The following GTPBP3 variants were observed in gnomAD, a reference collection of about 807,000 sequenced individuals.
GTPBP3 encodes the protein GTP binding protein 3, mitochondrial.
In GTPBP3, 35 loss-of-function variants were observed where a neutral mutation model predicts 42.0. That is an observed-to-expected ratio of 0.83 (90% confidence interval 0.64 to 1.10). The LOEUF (loss-of-function observed/expected upper bound fraction) is 1.10. Ranked by LOEUF, GTPBP3 falls within the 50% of genes least tolerant of loss-of-function variation. The probability of loss-of-function intolerance (pLI) is 0.00; values close to 1 mark genes in which losing one functional copy is unlikely to be tolerated. For synonymous variants in GTPBP3, 332 were observed against 314.9 expected, an observed-to-expected ratio of 1.05 and a Z score of -0.58; for missense variants, 691 against 685.2, an observed-to-expected ratio of 1.01 and a Z score of -0.09.
rs1379290335 is a variant in GTPBP3, at chr19:17,337,661, G to A, written c.50G>A (p.Arg17His). 7 of 1,331,042 alleles carry A rather than the reference G, an allele frequency of 5.3e-6. No homozygotes were observed. The South Asian group carries it at 1.2e-4, about 22-fold the overall frequency. The allele number at this position is 1,331,042 out of a possible 1,614,324, so 82.5% of individuals were successfully genotyped here. ...GCGGCCCAAGCGGCACGTGGGCCTC[G>A]CAGGTGGGGCTACAGGGGAAGGGGT... Reference protein sequence around the residue: ...TLAAQAARGPRRLCTRRSSGA... With the variant: ...TLAAQAARGPHRLCTRRSSGA... Residue 17 changes from arginine (R) to histidine (H), a missense_variant, in exon 1 of 9, where the codon CGC (arginine) becomes CAC (histidine). Physicochemically the swap from Arg to His is conservative, Grantham distance 29. Transcript: ENST00000324894.
chr19:17,338,278 C>A, intron 2 of GTPBP3, 23 bp downstream of exon 2: 2 of 1,600,480 alleles, frequency 1.2e-6, no homozygotes, highest in Non-Finnish European at 1.7e-6. Context: ...AGGTTCCGAG[C>A]CTCCTGTAGG....
chr19:17,336,482 G>A (rs959704593), upstream of GTPBP3, among the ~76,000 whole-genome samples: 10 of 151,966 alleles, frequency 6.6e-5, no homozygotes, highest in African/African-American at 9.7e-5. Flanking sequence ...CAGCCTGGGC[G>A]ACAGAGTGAG....
At chr19:17,340,928 G>C in intron 7 of GTPBP3, 116 bp from the exon 8 acceptor site, 1 of 984,286 alleles carries the variant, frequency 1.0e-6, no homozygotes, top group Non-Finnish European at 1.4e-6. Context: ...CCTCCCTCCC[G>C]ACCTCACGCT....
upstream of GTPBP3, chr19:17,335,051 C>G: frequency 6.5e-7 from 1 of 1,536,116 alleles, no homozygotes; most frequent in Non-Finnish European, 8.7e-7. Flanking sequence ...TTCTGGTCCC[C>G]GCCTCGGAGC....
rs1359976824 is a variant in GTPBP3, at chr19:17,338,664, C to G, written c.514C>G (p.Gln172Glu). The change falls in exon 4 of 9, where the codon CAG (glutamine) becomes GAG (glutamate). Residue 172 changes from glutamine to glutamate, a missense_variant. By Grantham distance (29) the Gln-to-Glu change is conservative (BLOSUM62 2). Coordinates refer to ENST00000324894, the MANE Select transcript of GTPBP3 (RefSeq NM_032620.4). ...ADLIHAETEA[Q>E]RRQALRQLDG... is the part of the protein sequence containing the mutation. ...CCTTATCCACGCGGAAACAGAGGCG[C>G]AGCGGCGGCAGGCCCTCAGGCAGCT... The G allele has an allele frequency of 1.9e-6, 3 of 1,613,784 alleles. No individual in the cohort carries two copies. In the Admixed American group the frequency reaches 5.0e-5, roughly 27 times the overall value.
Position 17,338,549 on chromosome 19 carries a change from A to G in GTPBP3, c.399A>G (p.Pro133=). Residue 133 remains proline (P), a synonymous_variant, in exon 4 of 9, where the codon CCA becomes CCG. Coordinates refer to ENST00000324894, the MANE Select transcript of GTPBP3 (RefSeq NM_032620.4). ...GGGACCTTCCTGCAGGCAGCGTGCC[A>G]GGGCTTCGACCGGCGGAGGCAGGCG... The part of the protein sequence containing the change: ...SGVLQALGSV[P]GLRPAEAGEF... The G allele has an allele frequency of 6.2e-7, 1 of 1,613,716 alleles. No homozygotes were observed. The highest frequency in any genetic ancestry group is 8.5e-7 in the Non-Finnish European group (1 of 1,179,758).
At position 17,339,298 on chromosome 19, in the gene GTPBP3, A is replaced by G. The variant is rs199820900; in HGVS notation, c.808+32A>G. On this transcript the variant is annotated intron_variant, in intron 6 of 8. Transcript: ENST00000324894. ...AGGCGGCGGGAAGGGGGCGGGGCCT[A>G]GTGCCAGGGGCGGGGCCAAGAGCTG... 225 of 1,551,672 alleles carry G rather than the reference A, an allele frequency of 1.5e-4. No homozygotes were observed. The African/African-American group carries it at 2.3e-3, about 16-fold the overall frequency.
At chr19:17,338,300 A>G in intron 2 of GTPBP3, 45 bp downstream of exon 2, 11 of 1,605,618 alleles carry the variant, frequency 6.9e-6, no homozygotes, top group Non-Finnish European at 9.4e-6. Flanking sequence ...CCCATGACTC[A>G]GTTTCCCCCT....
upstream of GTPBP3, chr19:17,336,726 C>T (rs2074371840): frequency 6.6e-6 from 1 of 152,200 alleles, no homozygotes; most frequent in Non-Finnish European, 1.5e-5. Flanking sequence ...TTCCGAGTTT[C>T]AGTGCTGTCC....
In GTPBP3 at chr19:17,341,093, G is replaced by A; in HGVS notation, c.1024G>A (p.Ala342Thr). 6.2e-7 allele frequency: 1 copy of A among 1,613,850 alleles called. No individual in the cohort carries two copies. The highest frequency in any genetic ancestry group is 8.5e-7 in the Non-Finnish European group (1 of 1,180,026). Residue 342 changes from alanine (A) to threonine (T), a missense_variant, in exon 8 of 9, where the codon GCC (alanine) becomes ACC (threonine). Ala to Thr is a moderately conservative substitution (Grantham distance 58). Transcript: ENST00000324894. ...ILAMLDASDL[A>T]SPSSCNFLAT... ...GGCCATGCTGGATGCTTCTGACCTG[G>A]CCTCTCCCTCCAGTTGCAACTTCCT...
upstream of GTPBP3, among the ~76,000 whole-genome samples, chr19:17,335,568 T>C (rs1226867729): frequency 6.6e-6 from 1 of 152,012 alleles, no homozygotes; most frequent in Non-Finnish European, 1.5e-5. Flanking sequence ...CTCAAATACA[T>C]ATATATACAT....
chr19:17,341,679 C>T lies in GTPBP3; in HGVS notation c.1455C>T (p.Phe485=). 6.3e-7 allele frequency: 1 copy of T among 1,590,288 alleles called. No homozygotes were observed. The highest frequency in any genetic ancestry group is 1.7e-5 in the Admixed American group (1 of 58,344). The change falls in exon 9 of 9, where the codon TTC becomes TTT. Residue 485 remains phenylalanine (F), a synonymous_variant. Transcript: ENST00000324894. The stretch of plus-strand genomic sequence containing the variant: ...CCGAGGAGATCCTGGACATCATCTT[C>T]CAGGACTTCTGTGTGGGCAAGTGAC... ...GGTEEILDII[F]QDFCVGK
At chr19:17,335,033 A>T, upstream of GTPBP3, 1 of 1,535,718 alleles carries the variant, frequency 6.5e-7, no homozygotes, top group South Asian at 1.2e-5. Flanking sequence ...GTCCCCACCC[A>T]TGCTTTCTTC....
In GTPBP3 at chr19:17,341,467, GTC is replaced by G. The variant is rs759416940; in HGVS notation, c.1254-7_1254-6del. 1.2e-6 allele frequency: 2 copies of G among 1,603,128 alleles called. No individual in the cohort carries two copies. The highest frequency in any genetic ancestry group is 4.5e-5 in the East Asian group (2 of 44,608). ...AAGGTCGGGAGAGACCATGTCTCTTGTCTCTTCCAGGTGTGGGGACCCGTCCA... is the reference window on the plus strand; with the variant it reads ...AAGGTCGGGAGAGACCATGTCTCTTGTCTTCCAGGTGTGGGGACCCGTCCA... On this transcript the variant is annotated splice_polypyrimidine_tract_variant and intron_variant, in intron 8 of 8. Coordinates refer to ENST00000324894, the MANE Select transcript of GTPBP3 (RefSeq NM_032620.4).
chr19:17,336,676 C>T (rs1178316467), upstream of GTPBP3: 1 of 152,268 alleles, frequency 6.6e-6, no homozygotes, highest in Non-Finnish European at 1.5e-5. Context: ...CCCGGAGACC[C>T]CGCCCAGCCA....
chr19:17,340,925 C>T (rs1185960208), intron 7 of GTPBP3, 119 bp from the exon 8 acceptor site: 1 of 1,160,936 alleles, frequency 8.6e-7, no homozygotes, highest in Non-Finnish European at 1.2e-6. Context: ...ACTCCTCCCT[C>T]CCGACCTCAC....
At chr19:17,336,071 T>C (rs574055180), upstream of GTPBP3, among the ~76,000 whole-genome samples, 19 of 151,504 alleles carry the variant, frequency 1.3e-4, no homozygotes, top group Admixed American at 1.1e-3. Context: ...CCTGTCTCTA[T>C]TAAAAATACA....
At position 17,341,560 on chromosome 19, in the gene GTPBP3, G is replaced by C; in HGVS notation, c.1336G>C (p.Gly446Arg). ...HHLQGCLDALGHYKQSKDLAL... is the reference protein window; with the variant it reads ...HHLQGCLDALRHYKQSKDLAL... ...CCTCCAGGGTTGCCTGGATGCCCTC[G>C]GCCACTACAAGCAGTCAAAAGACCT... The change falls in exon 9 of 9, where the codon GGC (glycine) becomes CGC (arginine). Residue 446 changes from glycine (G) to arginine (R), a missense_variant. Physicochemically the swap from Gly to Arg is moderately radical, Grantham distance 125 (BLOSUM62 -2). Coordinates refer to ENST00000324894, the MANE Select transcript of GTPBP3 (RefSeq NM_032620.4). 4 of 1,613,828 alleles carry C rather than the reference G, an allele frequency of 2.5e-6. No homozygotes were observed. Among genetic ancestry groups the C allele is most frequent in the Non-Finnish European group, 3.4e-6 (4 of 1,179,990 alleles).
At position 17,341,301 on chromosome 19, in the gene GTPBP3, T is replaced by C; in HGVS notation, c.1232T>C (p.Leu411Pro). ...GEGLDGLLEA[L>P]RKELAAVCGD... ...GGGCTGGACGGCCTCCTGGAGGCGC[T>C]GAGGAAGGAGCTAGCTGCAGTGTGA... Residue 411 changes from leucine to proline, a missense_variant, in exon 8 of 9, where the codon CTG becomes CCG. Coordinates refer to ENST00000324894, the MANE Select transcript of GTPBP3 (RefSeq NM_032620.4). The C allele has an allele frequency of 1.9e-6, 3 of 1,603,690 alleles. No individual in the cohort carries two copies. The highest frequency in any genetic ancestry group is 2.5e-6 in the Non-Finnish European group (3 of 1,178,962).
Sources: gnomAD v4.1 joint callset for allele counts (sites outside exome capture counted in the v4.1 genomes callset) on GRCh38, gnomAD v4.1.1 for gene constraint, MANE v1.5 for transcripts, NCBI Gene and HGNC (gene_info 2026-07-23, HGNC 2026-07-21) for gene names.